The following MSRB3 variants were observed in gnomAD, a reference collection of about 807,000 sequenced individuals.
MSRB3 encodes the protein methionine-R-sulfoxide reductase B3.
Under a neutral mutation model 21.0 loss-of-function variants are expected in MSRB3, and 13 were observed. The ratio of observed to expected loss-of-function variants is 0.62; its 90% CI spans 0.40 to 0.98. The LOEUF is 0.98. Among genes scored for constraint, MSRB3 ranks in the 50% least tolerant of loss-of-function variants. The probability of loss-of-function intolerance (pLI) is 0.00; values close to 1 mark genes in which losing one functional copy is unlikely to be tolerated. For missense variants in MSRB3, 199 were observed against 230.3 expected, an observed-to-expected ratio of 0.86 and a Z score of 0.88; for synonymous variants, 87 against 88.6, an observed-to-expected ratio of 0.98 and a Z score of 0.10.
intron 5 of MSRB3, among the ~76,000 whole-genome samples, chr12:65,451,543 G>C (rs1473263470): frequency 6.6e-6 from 1 of 152,120 alleles, no homozygotes; most frequent in African/African-American, 2.4e-5. Flanking sequence ...GCTACTTACT[G>C]CCTGTGTAAC....
intron 2 of MSRB3, among the ~76,000 whole-genome samples, chr12:65,314,253 C>T (rs1013961275): frequency 1.3e-5 from 2 of 152,046 alleles, no homozygotes; most frequent in African/African-American, 4.8e-5. Context: ...AAATTTTCTT[C>T]AGCAGACCAC....
intron 1 of MSRB3, among the ~76,000 whole-genome samples, chr12:65,287,858 T>A (rs141524567): frequency 4.6e-5 from 7 of 152,076 alleles, no homozygotes; most frequent in Non-Finnish European, 8.8e-5. Context: ...TGCAGGGGAG[T>A]CAGTGTAGTA....
intron 4 of MSRB3, among the ~76,000 whole-genome samples, chr12:65,341,095 A>G (rs1364241065): frequency 1.3e-5 from 2 of 152,150 alleles, no homozygotes; most frequent in Non-Finnish European, 2.9e-5. Flanking sequence ...ATTTATGAAA[A>G]TAAAATGCAC....
intron 1 of MSRB3, among the ~76,000 whole-genome samples, chr12:65,303,623 T>C (rs1475357098): frequency 1.3e-5 from 2 of 152,304 alleles, no homozygotes; most frequent in African/African-American, 4.8e-5. Context: ...TTTCATAGTC[T>C]TTCACTCAAT....
chr12:65,384,123 A>C (rs1006114760), intron 5 of MSRB3, among the ~76,000 whole-genome samples: 1 of 152,236 alleles, frequency 6.6e-6, no homozygotes, highest in African/African-American at 2.4e-5. Flanking sequence ...ATAATATTTT[A>C]TGCATTTTCA....
chr12:65,405,142 G>A (rs1284736473), intron 5 of MSRB3, among the ~76,000 whole-genome samples: 1 of 151,596 alleles, frequency 6.6e-6, no homozygotes, highest in Admixed American at 6.6e-5. Flanking sequence ...TCGTAGAGAT[G>A]GGTTTCACCA....
rs1883578498 is a variant in MSRB3, at chr12:65,466,438, T to C, written c.*3116T>C. ...CAAGGTGTATGTGATCTGTGGGAGT[T>C]ATGCCATTTAACATAGGAAGTGCAT... On this transcript the variant is annotated 3_prime_UTR_variant, in exon 7 of 7. Coordinates refer to ENST00000308259, the MANE Select transcript of MSRB3 (RefSeq NM_001031679.3). 6.6e-6 allele frequency: 1 copy of C among 152,162 alleles called. No individual in the cohort carries two copies. The highest frequency in any genetic ancestry group is 6.5e-5 in the Admixed American group (1 of 15,272). The allele number at this position is 152,162 out of a possible 1,614,324, so 9.4% of individuals were successfully genotyped here. A position where few individuals can be genotyped will look rare whatever the true frequency, so the allele number is the denominator to read the frequency against.
chr12:65,419,767 G>A (rs1592619738), intron 5 of MSRB3: 1 of 1,059,072 alleles, frequency 9.4e-7, no homozygotes, highest in East Asian at 2.4e-5. Flanking sequence ...TTCAGGCTTT[G>A]CATGGTCTCC....
At chr12:65,346,216 T>C (rs926350377) in intron 4 of MSRB3, among the ~76,000 whole-genome samples, 1 of 152,198 alleles carries the variant, frequency 6.6e-6, no homozygotes, top group African/African-American at 2.4e-5. Flanking sequence ...GTAAAAGTGT[T>C]CCTATTTCTC....
At chr12:65,376,498 A>G (rs1420447087) in intron 5 of MSRB3, among the ~76,000 whole-genome samples, 1 of 152,196 alleles carries the variant, frequency 6.6e-6, no homozygotes, top group African/African-American at 2.4e-5. Flanking sequence ...TACTTGGGAC[A>G]TGCGTTACAC....
At chr12:65,427,345 T>C (rs781063434) in intron 5 of MSRB3, among the ~76,000 whole-genome samples, 8 of 152,170 alleles carry the variant, frequency 5.3e-5, no homozygotes, top group Non-Finnish European at 1.2e-4. Flanking sequence ...CAGCAGCTGA[T>C]ACCACAGTGG....
intron 2 of MSRB3, among the ~76,000 whole-genome samples, chr12:65,317,005 G>T (rs1352377334): frequency 6.6e-6 from 1 of 152,094 alleles, no homozygotes; most frequent in African/African-American, 2.4e-5. Flanking sequence ...GTATGGTAGA[G>T]TGCAACCAAG....
At chr12:65,440,598 T>C (rs888020544) in intron 5 of MSRB3, among the ~76,000 whole-genome samples, 1 of 151,940 alleles carries the variant, frequency 6.6e-6, no homozygotes, top group African/African-American at 2.4e-5. Flanking sequence ...TATAATGCTA[T>C]AATAGTGCTA....
At chr12:65,355,750 C>CT (rs1204972456) in intron 4 of MSRB3, among the ~76,000 whole-genome samples, 2 of 151,810 alleles carry the variant, frequency 1.3e-5, no homozygotes, top group East Asian at 3.9e-4. Flanking sequence ...CTCTGGAAGA[C>CT]CACCCAGAAG....
chr12:65,390,081 A>G (rs962536399), intron 5 of MSRB3, among the ~76,000 whole-genome samples: 1 of 152,170 alleles, frequency 6.6e-6, no homozygotes, highest in Admixed American at 6.5e-5. Flanking sequence ...CCTCCTTTCT[A>G]TATGCTTGGA....
intron 4 of MSRB3, among the ~76,000 whole-genome samples, chr12:65,360,134 G>A (rs1264127912): frequency 6.6e-6 from 1 of 151,984 alleles, no homozygotes; most frequent in Non-Finnish European, 1.5e-5. Context: ...CATTGGATTA[G>A]GGTCCCCCTG....
At chr12:65,332,941 AC>A (rs1875525589) in intron 4 of MSRB3, among the ~76,000 whole-genome samples, 1 of 152,178 alleles carries the variant, frequency 6.6e-6, no homozygotes, top group Non-Finnish European at 1.5e-5. Context: ...CATTTTCTTC[AC>A]ATTTACAAAT....
At chr12:65,324,067 C>T (rs1173786005) in intron 2 of MSRB3, among the ~76,000 whole-genome samples, 1 of 152,060 alleles carries the variant, frequency 6.6e-6, no homozygotes, top group East Asian at 1.9e-4. Flanking sequence ...CAAAGTTTGA[C>T]AACTTTAAAT....
intron 2 of MSRB3, among the ~76,000 whole-genome samples, chr12:65,315,438 G>T (rs888906822): frequency 6.6e-6 from 1 of 152,104 alleles, no homozygotes; most frequent in Non-Finnish European, 1.5e-5. Flanking sequence ...GAGAGGCCGA[G>T]GTGGGCAGAT....
Sources: allele counts gnomAD v4.1 joint callset (sites outside exome capture counted in the v4.1 genomes callset), GRCh38; gene constraint gnomAD v4.1.1; transcripts MANE v1.5; gene names NCBI Gene and HGNC (gene_info 2026-07-23, HGNC 2026-07-21).